ERC2: variants seen among roughly 807,000 people sequenced by gnomAD.
ERC2 encodes ELKS/RAB6-interacting/CAST family member 2.
In ERC2, 42 loss-of-function variants were observed where a neutral mutation model predicts 114.8. That is an observed-to-expected ratio of 0.37 (90% CI 0.29 to 0.47). The LOEUF is 0.47. ERC2 is among the 20% of genes least tolerant of loss of function. ERC2 has a pLI of 0.99. For missense variants in ERC2, 939 were observed against 1,150.7 expected, an observed-to-expected ratio of 0.82 and a Z score of 2.66; for synonymous variants, 454 against 425.5, an observed-to-expected ratio of 1.07 and a Z score of -0.82.
intron 13 of ERC2, among the ~76,000 whole-genome samples, chr3:55,936,950 CA>C (rs1294195682): frequency 6.6e-6 from 1 of 152,192 alleles, no homozygotes; most frequent in Non-Finnish European, 1.5e-5. Flanking sequence ...CGAAACTTAT[CA>C]ACCTTGTTGC....
intron 1 of ERC2, among the ~76,000 whole-genome samples, chr3:56,452,482 A>G (rs758175427): frequency 6.6e-6 from 1 of 152,240 alleles, no homozygotes; most frequent in Non-Finnish European, 1.5e-5. Context: ...GTAATGTCAT[A>G]TGACATATAC....
At chr3:56,240,021 G>A (rs149683600) in intron 3 of ERC2, among the ~76,000 whole-genome samples, 26 of 152,258 alleles carry the variant, frequency 1.7e-4, no homozygotes, top group Non-Finnish European at 3.2e-4. Context: ...ACCTTCCCGA[G>A]TTTGCCTAAT....
intron 1 of ERC2, among the ~76,000 whole-genome samples, chr3:56,465,548 A>G (rs1451189029): frequency 1.3e-5 from 2 of 152,230 alleles, no homozygotes; most frequent in East Asian, 3.9e-4. Context: ...GAGACAACTG[A>G]AGGATGTTAA....
intron 6 of ERC2, among the ~76,000 whole-genome samples, chr3:56,137,919 C>G (rs1026933386): frequency 3.9e-5 from 6 of 152,284 alleles, no homozygotes; most frequent in African/African-American, 1.4e-4. Context: ...AGATACTATT[C>G]ACTGCTGCCT....
chr3:56,170,843 C>T (rs140966738), intron 4 of ERC2, among the ~76,000 whole-genome samples: 95 of 150,556 alleles, frequency 6.3e-4, no homozygotes, highest in South Asian at 1.3e-3. Flanking sequence ...CGACTCACTG[C>T]AAGCTCCGCC....
At chr3:56,348,655 G>A (rs900404410) in intron 2 of ERC2, among the ~76,000 whole-genome samples, 1 of 151,762 alleles carries the variant, frequency 6.6e-6, no homozygotes, top group African/African-American at 2.4e-5. Flanking sequence ...CAGGTTAAAT[G>A]AAACTTGCCT....
intron 1 of ERC2, among the ~76,000 whole-genome samples, chr3:56,438,195 C>T (rs2107410850): frequency 6.6e-6 from 1 of 152,270 alleles, no homozygotes; most frequent in African/African-American, 2.4e-5. Context: ...TCAGGCCTCC[C>T]AGATAGTGTC....
intron 3 of ERC2, among the ~76,000 whole-genome samples, chr3:56,196,807 T>C (rs961660237): frequency 2.6e-5 from 4 of 152,136 alleles, no homozygotes; most frequent in African/African-American, 9.7e-5. Flanking sequence ...TGTTAGAAAT[T>C]ACCCTTCACC....
At chr3:55,954,021 C>G (rs941464541) in intron 12 of ERC2, among the ~76,000 whole-genome samples, 8 of 142,018 alleles carry the variant, frequency 5.6e-5, no homozygotes, top group Non-Finnish European at 1.2e-4. Flanking sequence ...AAGTATCACT[C>G]TTTTCCAAAT....
At chr3:55,997,544 A>G (rs112622471) in intron 10 of ERC2, among the ~76,000 whole-genome samples, 376 of 148,484 alleles carry the variant, frequency 2.5e-3, no homozygotes, top group African/African-American at 8.9e-3. Context: ...ATAACATATT[A>G]TAACTCTATA....
intron 12 of ERC2, among the ~76,000 whole-genome samples, chr3:55,985,731 A>AT (rs1195959060): frequency 1.3e-5 from 2 of 152,194 alleles, no homozygotes; most frequent in African/African-American, 4.8e-5. Flanking sequence ...TCTCTCATGG[A>AT]TTTTATAATC....
intron 10 of ERC2, among the ~76,000 whole-genome samples, chr3:55,997,259 A>C (rs2071592363): frequency 1.4e-5 from 2 of 145,796 alleles, no homozygotes; most frequent in African/African-American, 5.1e-5. Context: ...TTTTAGCAAT[A>C]ATTTGCTAAA....
At chr3:56,452,593 A>G (rs148541462) in intron 1 of ERC2, among the ~76,000 whole-genome samples, 1 of 152,364 alleles carries the variant, frequency 6.6e-6, no homozygotes, top group African/African-American at 2.4e-5. Context: ...TTACATAATA[A>G]TAATTTAAGC....
In ERC2 at chr3:55,940,863, T is replaced by C. The variant is rs1234971501; in HGVS notation, c.2403+9562A>G. 3.3e-5 allele frequency among the ~76,000 whole-genome samples: 5 copies of C among 152,312 alleles called. No homozygotes were observed. In the South Asian group the frequency reaches 8.3e-4, roughly 25 times the overall value. ...TACCCAAGTTTATGCCACCTAATTT[T>C]TCTATGTTTTTGGAGGGGCCTGACC... On this transcript the variant is annotated intron_variant, in intron 13 of 17. Transcript: ENST00000288221.
At chr3:55,933,011 C>T (rs1011366167) in intron 13 of ERC2, among the ~76,000 whole-genome samples, 2 of 152,128 alleles carry the variant, frequency 1.3e-5, no homozygotes, top group Admixed American at 1.3e-4. Flanking sequence ...GAGTTTGAGA[C>T]CAGCCTAGCC....
At chr3:55,706,252 C>G (rs1023396756) in intron 15 of ERC2, among the ~76,000 whole-genome samples, 6 of 152,222 alleles carry the variant, frequency 3.9e-5, no homozygotes, top group South Asian at 2.1e-4. Context: ...ATTGATGCAC[C>G]CTTTGTTGGC....
chr3:55,979,308 T>C (rs2149498940), intron 12 of ERC2, among the ~76,000 whole-genome samples: 1 of 152,358 alleles, frequency 6.6e-6, no homozygotes, highest in Admixed American at 6.5e-5. Context: ...CGTTACTTCA[T>C]GCTCCCATGT....
intron 2 of ERC2, 39 bp from the exon 3 acceptor site, chr3:56,296,474 G>GA: frequency 6.4e-7 from 1 of 1,552,942 alleles, no homozygotes; most frequent in South Asian, 1.2e-5. Context: ...GAGAAAGAAG[G>GA]AAAAAAAGTC....
In ERC2 at chr3:55,884,387, C is replaced by T. The variant is rs115439539; in HGVS notation, c.2564+4002G>A. Among the ~76,000 whole-genome samples, 832 of 152,238 alleles carry T rather than the reference C, an allele frequency of 5.5e-3. 9 individuals are homozygous for T. The highest frequency in any genetic ancestry group is 0.019 in the African/African-American group (790 of 41,544). On this transcript the variant is annotated intron_variant, in intron 14 of 17. Transcript: ENST00000288221. ...ATTTGCAAAGATATACACCAAAATG[C>T]CATCAGTGTCTCTCTCTCCATGTTA...
Sources: gnomAD v4.1 joint callset for allele counts (sites outside exome capture counted in the v4.1 genomes callset) on GRCh38, gnomAD v4.1.1 for gene constraint, MANE v1.5 for transcripts, NCBI Gene and HGNC (gene_info 2026-07-23, HGNC 2026-07-21) for gene names.